Variants in CCDC171 observed in about 807,000 individuals in gnomAD.
The protein encoded by CCDC171 is coiled-coil domain-containing protein 171.
A neutral mutation model predicts 168.2 loss-of-function variants in CCDC171; 177 were observed. The ratio of observed to expected loss-of-function variants is 1.05; its 90% CI spans 0.93 to 1.19. The LOEUF is 1.19. CCDC171 is among the 50% of genes most tolerant of loss of function. The pLI is 0.00. For synonymous variants in CCDC171, 687 were observed against 540.8 expected (o/e 1.27, Z -3.75); for missense variants, 1,991 against 1,539.0 (o/e 1.29, Z -4.91).
intron 23 of CCDC171, among the ~76,000 whole-genome samples, chr9:15,860,936 A>ATG (rs770617574): frequency 0.023 from 3,321 of 143,986 alleles, 69 homozygotes; most frequent in South Asian, 0.046. Flanking sequence ...GTTGTTAGGG[A>ATG]TGTGTGTGTG....
chr9:16,045,236 C>G (rs575593884), intron 1 of CCDC171, among the ~76,000 whole-genome samples: 2 of 152,082 alleles, frequency 1.3e-5, no homozygotes, highest in South Asian at 4.1e-4. Flanking sequence ...CCAGGAGATC[C>G]TAGGAGAGGA....
At chr9:15,798,507 C>T (rs1352665512) in intron 21 of CCDC171, among the ~76,000 whole-genome samples, 1 of 151,936 alleles carries the variant, frequency 6.6e-6, no homozygotes, top group Non-Finnish European at 1.5e-5. Context: ...TATACATTTA[C>T]CGTGGTGGTT....
At chr9:15,701,217 C>G (rs1405566341) in intron 11 of CCDC171, among the ~76,000 whole-genome samples, 1 of 152,054 alleles carries the variant, frequency 6.6e-6, no homozygotes, top group Non-Finnish European at 1.5e-5. Context: ...TGATTGTTTC[C>G]TTTGCTGGGC....
intron 7 of CCDC171, among the ~76,000 whole-genome samples, chr9:15,624,322 T>A (rs958114100): frequency 3.3e-5 from 5 of 152,180 alleles, no homozygotes; most frequent in African/African-American, 7.2e-5. Flanking sequence ...ATTAATTAAT[T>A]TTTTATTATA....
chr9:15,874,448 C>T (rs1817575261), intron 23 of CCDC171, 84 bp from the exon 24 acceptor site: 3 of 1,211,562 alleles, frequency 2.5e-6, no homozygotes, highest in South Asian at 1.9e-5. Context: ...TGCAAGTCCA[C>T]TCAGTGGGCT....
chr9:15,717,313 T>A (rs2053155993), intron 11 of CCDC171, among the ~76,000 whole-genome samples: 1 of 152,166 alleles, frequency 6.6e-6, no homozygotes, highest in Admixed American at 6.5e-5. Context: ...AGGGGAATTG[T>A]CCATCCTAGC....
At position 15,745,544 on chromosome 9, in the gene CCDC171, C is replaced by G. The variant is rs954536234; in HGVS notation, c.2584C>G (p.Gln862Glu). ...TCAAAAGGAGCAGTTGCGTTGTTTA[C>G]AAGCGCTCAGTTGGCTCACCAGTTC... ...KHQKEQLRCL[Q>E]ALSWLTSSDL... Residue 862 changes from glutamine (Q) to glutamate (E), a missense_variant, in exon 18 of 26, where the codon CAA (glutamine) becomes GAA (glutamate). Coordinates refer to ENST00000380701, the MANE Select transcript of CCDC171 (RefSeq NM_173550.4). The G allele has an allele frequency of 1.1e-5, 17 of 1,587,822 alleles. No homozygotes were observed. Among genetic ancestry groups the G allele is most frequent in the African/African-American group, 1.4e-5 (1 of 73,092 alleles).
intron 21 of CCDC171, among the ~76,000 whole-genome samples, chr9:15,795,439 G>A (rs1564422772): frequency 1.3e-5 from 2 of 152,028 alleles, no homozygotes; most frequent in African/African-American, 4.8e-5. Flanking sequence ...GTGGAAACTA[G>A]AAAAAATATA....
the CCDC171 span, among the ~76,000 whole-genome samples, chr9:16,076,894 C>A: frequency 6.8e-3 from 1,029 of 152,220 alleles, 9 homozygotes; most frequent in African/African-American, 0.024. Flanking sequence ...TTCTTTTTCT[C>A]CTGTGTTGTT....
intron 21 of CCDC171, among the ~76,000 whole-genome samples, chr9:15,815,343 ATT>A (rs1359307068): frequency 8.3e-6 from 1 of 120,406 alleles, no homozygotes; most frequent in East Asian, 2.1e-4. Context: ...AGTTAATTAC[ATT>A]TAGACCATGC....
At chr9:15,570,023 T>C (rs1199771147) in intron 2 of CCDC171, among the ~76,000 whole-genome samples, 2 of 152,058 alleles carry the variant, frequency 1.3e-5, no homozygotes, top group Non-Finnish European at 2.9e-5. Context: ...CAGGGTGGAG[T>C]TCAAAGGTGT....
intron 3 of CCDC171, among the ~76,000 whole-genome samples, chr9:15,986,105 G>A (rs964707101): frequency 4.9e-4 from 75 of 152,216 alleles, no homozygotes; most frequent in African/African-American, 1.8e-3. Context: ...GCTGATAATG[G>A]CAATTAATGA....
intron 3 of CCDC171, among the ~76,000 whole-genome samples, chr9:16,003,367 C>T (rs1437636612): frequency 6.6e-6 from 1 of 152,182 alleles, no homozygotes; most frequent in Admixed American, 6.5e-5. Flanking sequence ...AATTATTCCA[C>T]AACACAATGG....
chr9:15,904,816 G>A (rs1316793045), intron 24 of CCDC171, among the ~76,000 whole-genome samples: 1 of 151,712 alleles, frequency 6.6e-6, no homozygotes, highest in East Asian at 1.9e-4. Flanking sequence ...AAAATAAAAG[G>A]ATGGAGGAAG....
intron 8 of CCDC171, among the ~76,000 whole-genome samples, chr9:15,661,691 A>G (rs1039581487): frequency 3.3e-5 from 5 of 152,320 alleles, no homozygotes; most frequent in African/African-American, 1.2e-4. Flanking sequence ...TATTGTTTGT[A>G]TATTTTGGCA....
At chr9:15,876,988 G>A (rs1262605689) in intron 24 of CCDC171, among the ~76,000 whole-genome samples, 5 of 152,024 alleles carry the variant, frequency 3.3e-5, no homozygotes, top group Admixed American at 6.6e-5. Flanking sequence ...TTCAATGGGG[G>A]CAAACTTTAT....
At chr9:15,866,185 G>C (rs1263188126) in intron 23 of CCDC171, among the ~76,000 whole-genome samples, 1 of 151,942 alleles carries the variant, frequency 6.6e-6, no homozygotes, top group Non-Finnish European at 1.5e-5. Flanking sequence ...TATAATGGAA[G>C]GAGTGGGGAG....
intron 3 of CCDC171, among the ~76,000 whole-genome samples, chr9:16,015,917 G>T (rs1340991789): frequency 6.6e-6 from 1 of 152,110 alleles, no homozygotes; most frequent in Non-Finnish European, 1.5e-5. Flanking sequence ...TGTTTTCAAG[G>T]TTCATTCGTG....
At chr9:15,643,273 C>A (rs1019895841) in intron 7 of CCDC171, among the ~76,000 whole-genome samples, 1 of 152,014 alleles carries the variant, frequency 6.6e-6, no homozygotes, top group Admixed American at 6.6e-5. Context: ...ACTGAGAAAA[C>A]TGACTTCAGT....
Sources: allele counts gnomAD v4.1 joint callset (sites outside exome capture counted in the v4.1 genomes callset), GRCh38; gene constraint gnomAD v4.1.1; transcripts MANE v1.5; gene names NCBI Gene and HGNC (gene_info 2026-07-23, HGNC 2026-07-21).